The following MORN1 variants were observed in gnomAD, a reference collection of about 807,000 sequenced individuals.
MORN1 encodes MORN repeat-containing protein 1.
Under a neutral mutation model 61.9 loss-of-function variants are expected in MORN1, and 67 were observed. That is an observed-to-expected ratio of 1.08 (90% CI 0.89 to 1.33). The LOEUF (loss-of-function observed/expected upper bound fraction) is 1.33. MORN1 is among the 40% of genes most tolerant of loss of function. The pLI is 0.00. For missense variants in MORN1, 752 were observed against 691.2 expected, an observed-to-expected ratio of 1.09 and a Z score of -0.99; for synonymous variants, 301 against 292.0, an observed-to-expected ratio of 1.03 and a Z score of -0.31.
intron 10 of MORN1, chr1:2,355,261 C>A: frequency 1.4e-6 from 2 of 1,425,106 alleles, no homozygotes; most frequent in Non-Finnish European, 1.8e-6. Flanking sequence ...TGAAGGCAGA[C>A]AAGGGGGCGC....
intron 10 of MORN1, among the ~76,000 whole-genome samples, chr1:2,354,316 G>A (rs1301858226): frequency 6.6e-6 from 1 of 152,152 alleles, no homozygotes; most frequent in Non-Finnish European, 1.5e-5. Context: ...TGTAATCCCA[G>A]CACGTTGGGA....
chr1:2,342,177 G>A (rs1641409029), intron 10 of MORN1, among the ~76,000 whole-genome samples: 1 of 152,266 alleles, frequency 6.6e-6, no homozygotes, highest in Non-Finnish European at 1.5e-5. Context: ...GCCCGGGACG[G>A]GATCGGGCAG....
chr1:2,383,965 G>A (rs921966567), intron 6 of MORN1, among the ~76,000 whole-genome samples: 15 of 152,180 alleles, frequency 9.9e-5, no homozygotes, highest in Non-Finnish European at 1.9e-4. Context: ...CACCGCAGAG[G>A]GTCTGTCTCC....
chr1:2,354,193 C>T (rs1482161702), intron 10 of MORN1, among the ~76,000 whole-genome samples: 1 of 152,160 alleles, frequency 6.6e-6, no homozygotes, highest in Non-Finnish European at 1.5e-5. Flanking sequence ...GTCGCTGAGA[C>T]AGGAGACAGA....
At chr1:2,323,859 G>A in intron 13 of MORN1, 1 of 985,224 alleles carries the variant, frequency 1.0e-6, no homozygotes, top group Non-Finnish European at 1.2e-6. Flanking sequence ...CCCACATCAA[G>A]GGCTGTGTCG....
chr1:2,389,339 G>A (rs1642587389), intron 2 of MORN1, among the ~76,000 whole-genome samples: 1 of 152,232 alleles, frequency 6.6e-6, no homozygotes, highest in African/African-American at 2.4e-5. Flanking sequence ...CACAATCTCA[G>A]CTGACTGCAA....
intron 13 of MORN1, chr1:2,323,130 G>A (rs1289755065): frequency 3.0e-6 from 3 of 985,316 alleles, no homozygotes; most frequent in Non-Finnish European, 3.6e-6. Context: ...GCCCCCTCCT[G>A]GGATGGCTGG....
At chr1:2,347,130 C>A (rs1641536009) in intron 10 of MORN1, among the ~76,000 whole-genome samples, 1 of 152,178 alleles carries the variant, frequency 6.6e-6, no homozygotes, top group Non-Finnish European at 1.5e-5. Flanking sequence ...CACTCTTGGC[C>A]CCATGGCCCC....
At position 2,384,857 on chromosome 1, in the gene MORN1, G is replaced by A. The variant is rs1233346732; in HGVS notation, c.537+121C>T. 1.0e-5 allele frequency: 8 copies of A among 781,316 alleles called. No homozygotes were observed. The East Asian group carries it at 2.2e-4, about 22-fold the overall frequency. The allele number at this position is 781,316 out of a possible 1,614,324, so 48.4% of individuals were successfully genotyped here. ...ACTTATCTTCCCACACGGGATCAGG[G>A]AATCGCAGGGCCTGGCACATGGAGA... On this transcript the variant is annotated intron_variant, in intron 6 of 13. Coordinates refer to ENST00000378531, the MANE Select transcript of MORN1 (RefSeq NM_024848.3).
chr1:2,370,965 GGAGGCCAAGGCGGGTGGATCAC>G (rs1358076391), intron 8 of MORN1, among the ~76,000 whole-genome samples: 1 of 151,940 alleles, frequency 6.6e-6, no homozygotes, highest in Non-Finnish European at 1.5e-5. Flanking sequence ...CAGCACTTTG[GGAGGCCAAGGCGGGTGGATCAC>G]GAGGTCAGGA....
At chr1:2,336,908 G>A (rs1276382045) in intron 10 of MORN1, 58 bp from the exon 11 acceptor site, 2 of 1,463,896 alleles carry the variant, frequency 1.4e-6, no homozygotes, top group Non-Finnish European at 1.8e-6. Context: ...GACGGAGGGA[G>A]CCCCACAGGG....
intron 12 of MORN1, among the ~76,000 whole-genome samples, chr1:2,335,288 C>T (rs1338186416): frequency 6.6e-6 from 1 of 152,224 alleles, no homozygotes; most frequent in African/African-American, 2.4e-5. Context: ...GGCCTGTGTT[C>T]ACTGCCTTGG....
At chr1:2,379,432 G>A (rs1290425932) in intron 6 of MORN1, among the ~76,000 whole-genome samples, 3 of 152,188 alleles carry the variant, frequency 2.0e-5, no homozygotes, top group East Asian at 1.9e-4. Flanking sequence ...AGGTCCCAGC[G>A]CCTACCTCGT....
chr1:2,371,784 G>A (rs1033650674), intron 8 of MORN1: 1 of 162,754 alleles, frequency 6.1e-6, no homozygotes, highest in African/African-American at 2.4e-5. Context: ...GATGGCACAT[G>A]CCTGTAATCC....
intron 10 of MORN1, among the ~76,000 whole-genome samples, chr1:2,355,014 G>A (rs926954070): frequency 1.3e-5 from 2 of 152,206 alleles, no homozygotes; most frequent in African/African-American, 4.8e-5. Flanking sequence ...AGCCTGAGCC[G>A]GGCTGAGAGT....
intron 12 of MORN1, among the ~76,000 whole-genome samples, chr1:2,327,239 C>CACACAGAAACACAGAAACAAACACAGAG (rs1641050803): frequency 4.2e-4 from 24 of 57,186 alleles, no homozygotes; most frequent in Non-Finnish European, 1.1e-3. Context: ...GACACAGAAA[C>CACACAGAAACACAGAAACAAACACAGAG]ACACAGAAAC....
At position 2,345,116 on chromosome 1, in the gene MORN1, A is replaced by G. The variant is rs1641484641; in HGVS notation, c.1037-8266T>C. On this transcript the variant is annotated intron_variant, in intron 10 of 13. Coordinates refer to ENST00000378531, the MANE Select transcript of MORN1 (RefSeq NM_024848.3). ...TCACGCTCTACGCTCATGGATGGCC[A>G]CATGTGCCCCGAAGACAACGTCAGC... 3.3e-5 allele frequency among the ~76,000 whole-genome samples: 5 copies of G among 150,592 alleles called. No individual in the cohort carries two copies. In the South Asian group the frequency reaches 1.0e-3, roughly 32 times the overall value.
intron 6 of MORN1, among the ~76,000 whole-genome samples, chr1:2,383,164 T>G (rs1418925138): frequency 1.3e-5 from 2 of 152,210 alleles, no homozygotes. Context: ...TGACGGGAAC[T>G]GGACCCTGTC....
At chr1:2,381,365 T>C (rs1249391884) in intron 6 of MORN1, among the ~76,000 whole-genome samples, 5 of 152,194 alleles carry the variant, frequency 3.3e-5, no homozygotes, top group Non-Finnish European at 4.4e-5. Context: ...CTGGCCATGG[T>C]CTGCCCGTGC....
Sources: gnomAD v4.1 joint callset for allele counts (sites outside exome capture counted in the v4.1 genomes callset) on GRCh38, gnomAD v4.1.1 for gene constraint, MANE v1.5 for transcripts, NCBI Gene and HGNC (gene_info 2026-07-23, HGNC 2026-07-21) for gene names.